The following NLGN1 variants were observed in gnomAD, a reference collection of about 807,000 sequenced individuals.
The protein encoded by NLGN1 is neuroligin-1.
Under a neutral mutation model 65.5 loss-of-function variants are expected in NLGN1, and 12 were observed. The observed-to-expected ratio is 0.18, with a 90% CI of 0.12 to 0.30. NLGN1 has a LOEUF of 0.30. NLGN1 is among the 10% of genes least tolerant of loss of function. The pLI, the probability that NLGN1 is intolerant of heterozygous loss-of-function variation, is 1.00. For synonymous variants in NLGN1, 350 were observed against 359.5 expected (o/e 0.97, Z 0.30); for missense variants, 750 against 1,007.1 (o/e 0.74, Z 3.46).
intron 1 of NLGN1, among the ~76,000 whole-genome samples, chr3:173,431,316 A>G (rs1239662261): frequency 1.3e-5 from 2 of 151,970 alleles, no homozygotes; most frequent in African/African-American, 2.4e-5. Flanking sequence ...TTGGTTTTTA[A>G]TCTACATTTT....
At chr3:173,862,604 T>A (rs1729370094) in intron 4 of NLGN1, among the ~76,000 whole-genome samples, 1 of 150,956 alleles carries the variant, frequency 6.6e-6, no homozygotes, top group African/African-American at 2.4e-5. Flanking sequence ...GGTACGCATA[T>A]ATGTTTGTAT....
chr3:174,037,022 T>C (rs919356874), intron 4 of NLGN1, among the ~76,000 whole-genome samples: 1 of 152,188 alleles, frequency 6.6e-6, no homozygotes, highest in East Asian at 1.9e-4. Context: ...TTAGGTTAAT[T>C]CCATATCTTT....
chr3:173,474,679 G>A (rs1190284332), intron 2 of NLGN1, among the ~76,000 whole-genome samples: 1 of 152,138 alleles, frequency 6.6e-6, no homozygotes, highest in African/African-American at 2.4e-5. Flanking sequence ...CAGAAGTTGG[G>A]CTGGGTGCAG....
At chr3:173,757,375 G>GT (rs1777298639) in intron 3 of NLGN1, among the ~76,000 whole-genome samples, 1 of 151,932 alleles carries the variant, frequency 6.6e-6, no homozygotes, top group Non-Finnish European at 1.5e-5. Context: ...AAAATTAAAA[G>GT]TTGTACCTGA....
chr3:174,275,562 G>A, intron 5 of NLGN1, 35 bp downstream of exon 5: 1 of 1,314,578 alleles, frequency 7.6e-7, no homozygotes, highest in Non-Finnish European at 1.1e-6. Flanking sequence ...GACAATTTTG[G>A]TGTCTGCATG....
intron 4 of NLGN1, among the ~76,000 whole-genome samples, chr3:174,130,889 T>C (rs1354800611): frequency 6.6e-6 from 1 of 152,152 alleles, no homozygotes; most frequent in Non-Finnish European, 1.5e-5. Flanking sequence ...TGCTAGCAAT[T>C]GTGTACTGCA....
Position 174,076,483 on chromosome 3 carries a change from C to T in NLGN1, c.647-198832C>T, listed in dbSNP as rs553034965. Among the ~76,000 whole-genome samples the T allele has an allele frequency of 9.9e-5, 15 of 152,192 alleles. 1 individual carries two copies. In the South Asian group the frequency reaches 2.7e-3, roughly 27 times the overall value. On this transcript the variant is annotated intron_variant, in intron 4 of 6. Transcript: ENST00000457714. The stretch of plus-strand genomic sequence containing the variant: ...CTCTGGATTCTGGGGACTCAGGATG[C>T]GTCTGAAGAGGCCCAGACAGCGTTC...
chr3:173,724,926 G>A lies in NLGN1; in HGVS notation c.494-82754G>A, dbSNP rs934669242. Among the ~76,000 whole-genome samples, 42 of 151,968 alleles carry A rather than the reference G, an allele frequency of 2.8e-4. No individual in the cohort carries two copies. In the East Asian group the frequency reaches 5.6e-3, roughly 20 times the overall value. ...AAACCATCATTCTCAGCAAACTATC[G>A]CAAGGACAGAAAACCAAACACTGCA... is the stretch of plus-strand genomic sequence containing the variant. On this transcript the variant is annotated intron_variant, in intron 3 of 6. Coordinates refer to ENST00000457714, the Ensembl canonical transcript of NLGN1.
intron 3 of NLGN1, chr3:173,695,510 A>G (rs1205190731): frequency 3.2e-6 from 1 of 314,574 alleles, no homozygotes; most frequent in Admixed American, 4.0e-5. Context: ...TTTTATTTAT[A>G]AAACTAGACC....
At chr3:174,078,858 T>C (rs1741548387) in intron 4 of NLGN1, among the ~76,000 whole-genome samples, 1 of 152,186 alleles carries the variant, frequency 6.6e-6, no homozygotes, top group African/African-American at 2.4e-5. Flanking sequence ...AACTTACTAC[T>C]CTGGGAATAT....
chr3:174,115,650 G>T (rs1200042490), intron 4 of NLGN1, among the ~76,000 whole-genome samples: 2 of 152,194 alleles, frequency 1.3e-5, no homozygotes, highest in African/African-American at 4.8e-5. Flanking sequence ...TGACAAGGGA[G>T]AGCGTGTTAG....
At chr3:173,464,517 C>T (rs966582035) in intron 2 of NLGN1, among the ~76,000 whole-genome samples, 2 of 145,188 alleles carry the variant, frequency 1.4e-5, no homozygotes, top group Admixed American at 1.4e-4. Flanking sequence ...CTCACTGTCA[C>T]CTCTGCCTCC....
intron 2 of NLGN1, among the ~76,000 whole-genome samples, chr3:173,536,177 C>A (rs996146383): frequency 6.6e-6 from 1 of 152,132 alleles, no homozygotes; most frequent in East Asian, 1.9e-4. Flanking sequence ...GGGAAGCTGA[C>A]AATTGATCCA....
intron 3 of NLGN1, among the ~76,000 whole-genome samples, chr3:173,703,686 G>A (rs1014315776): frequency 4.6e-5 from 7 of 152,088 alleles, no homozygotes; most frequent in African/African-American, 1.2e-4. Flanking sequence ...AGTGTTAACC[G>A]TGAATCCATG....
chr3:174,276,462 CTTTCT>C (rs1750607832), intron 5 of NLGN1, among the ~76,000 whole-genome samples: 1 of 150,704 alleles, frequency 6.6e-6, no homozygotes, highest in South Asian at 2.1e-4. Context: ...CGTACACCAT[CTTTCT>C]TTTAATTTCT....
At position 173,861,554 on chromosome 3, in the gene NLGN1, GTGTA is replaced by G. The variant is rs1216241863; in HGVS notation, c.646+53724_646+53727del. On this transcript the variant is annotated intron_variant, in intron 4 of 6. Coordinates refer to ENST00000457714, the Ensembl canonical transcript of NLGN1. Reference sequence around the variant, plus strand: ...TGTGTGTGTGTGTGTGTGTGTGTGTGTGTATATACACACACACATATATATACAC... The same window carrying G: ...TGTGTGTGTGTGTGTGTGTGTGTGTGTATACACACACACATATATATACAC... Among the ~76,000 whole-genome samples the G allele has an allele frequency of 6.8e-3, 768 of 113,296 alleles. 4 individuals carry two copies. Among genetic ancestry groups the G allele is most frequent in the East Asian group, 0.029 (121 of 4,102 alleles). The allele number at this position is 113,296 out of a possible 152,430, so 74.3% of individuals were successfully genotyped here. A position where few individuals can be genotyped will look rare whatever the true frequency, so the allele number is the denominator to read the frequency against.
intron 3 of NLGN1, among the ~76,000 whole-genome samples, chr3:173,622,549 GGAA>G (rs1194239157): frequency 6.6e-6 from 1 of 151,656 alleles, no homozygotes; most frequent in Non-Finnish European, 1.5e-5. Context: ...CTGACCTGCT[GGAA>G]GAAGAAGAAA....
intron 2 of NLGN1, among the ~76,000 whole-genome samples, chr3:173,488,621 A>G (rs1728555150): frequency 6.6e-6 from 1 of 152,078 alleles, no homozygotes; most frequent in African/African-American, 2.4e-5. Flanking sequence ...TCTGGTCTCT[A>G]TCATTGCTGT....
At chr3:173,494,344 T>A (rs1325155777) in intron 2 of NLGN1, among the ~76,000 whole-genome samples, 1 of 150,694 alleles carries the variant, frequency 6.6e-6, no homozygotes, top group Non-Finnish European at 1.5e-5. Flanking sequence ...TAGTGAAATG[T>A]TTTTTTTTCT....
Sources: allele counts gnomAD v4.1 joint callset (sites outside exome capture counted in the v4.1 genomes callset), GRCh38; gene constraint gnomAD v4.1.1; transcripts MANE v1.5; gene names NCBI Gene and HGNC (gene_info 2026-07-23, HGNC 2026-07-21).